The following KIAA1671 variants were observed in gnomAD, a reference collection of about 807,000 sequenced individuals.
The protein encoded by KIAA1671 is uncharacterized protein KIAA1671.
A neutral mutation model predicts 131.2 loss-of-function variants in KIAA1671; 52 were observed. That is an observed-to-expected ratio of 0.40 (90% confidence interval 0.32 to 0.50). KIAA1671 has a LOEUF of 0.50. KIAA1671 is among the 20% of genes least tolerant of loss of function. KIAA1671 has a pLI of 0.73. For synonymous variants in KIAA1671, 1,003 were observed against 961.6 expected, an observed-to-expected ratio of 1.04 and a Z score of -0.80; for missense variants, 2,360 against 2,364.2, an observed-to-expected ratio of 1.00 and a Z score of 0.04.
At chr22:24,954,476 A>G (rs1210747655) in intron 1 of KIAA1671, among the ~76,000 whole-genome samples, 1 of 152,202 alleles carries the variant, frequency 6.6e-6, no homozygotes, top group Non-Finnish European at 1.5e-5. Flanking sequence ...AGAGAAGTGC[A>G]GAGTTTCAAT....
At chr22:25,068,852 A>G (rs979341720) in intron 6 of KIAA1671, among the ~76,000 whole-genome samples, 41 of 152,294 alleles carry the variant, frequency 2.7e-4, no homozygotes, top group African/African-American at 9.1e-4. Context: ...TCAGTGTGCC[A>G]AGCTCCAGCC....
chr22:24,969,055 A>T (rs1013421602), intron 1 of KIAA1671, among the ~76,000 whole-genome samples: 1 of 151,636 alleles, frequency 6.6e-6, no homozygotes, highest in African/African-American at 2.4e-5. Flanking sequence ...GTGTGCCACC[A>T]TGCCGGCTAA....
intron 11 of KIAA1671, among the ~76,000 whole-genome samples, chr22:25,188,435 CAG>C (rs1934548671): frequency 6.9e-6 from 1 of 145,940 alleles, no homozygotes; most frequent in Non-Finnish European, 1.5e-5. Context: ...TCCAGAGAAA[CAG>C]AGCCAATCGG....
At chr22:25,042,825 G>A (rs904752588) in intron 5 of KIAA1671, among the ~76,000 whole-genome samples, 6 of 152,100 alleles carry the variant, frequency 3.9e-5, no homozygotes, top group Non-Finnish European at 8.8e-5. Flanking sequence ...GGGGAGAGAA[G>A]AAGTGAGGCA....
chr22:25,183,529 CCTT>C (rs1360644436), intron 10 of KIAA1671, among the ~76,000 whole-genome samples: 15 of 136,826 alleles, frequency 1.1e-4, no homozygotes, highest in African/African-American at 3.8e-4. Flanking sequence ...TTCCTTCCTT[CCTT>C]CTTCTTTTTT....
chr22:25,069,249 A>G (rs911296751), intron 6 of KIAA1671, among the ~76,000 whole-genome samples: 3 of 152,194 alleles, frequency 2.0e-5, no homozygotes, highest in African/African-American at 7.2e-5. Flanking sequence ...TTGAATCCTC[A>G]AAGCCCTGAA....
intron 6 of KIAA1671, among the ~76,000 whole-genome samples, chr22:25,158,061 TCCG>T (rs1472509096): frequency 6.6e-6 from 1 of 152,216 alleles, no homozygotes; most frequent in Non-Finnish European, 1.5e-5. Flanking sequence ...GACCTTGTGA[TCCG>T]CCTGCCTCGG....
chr22:25,156,729 A>C (rs1933259684), intron 6 of KIAA1671, among the ~76,000 whole-genome samples: 1 of 148,438 alleles, frequency 6.7e-6, no homozygotes, highest in South Asian at 2.1e-4. Context: ...GTGTGCGTGC[A>C]TCTGTCTGCT....
intron 6 of KIAA1671, among the ~76,000 whole-genome samples, chr22:25,125,563 C>T (rs1344602867): frequency 1.3e-5 from 2 of 152,104 alleles, no homozygotes; most frequent in South Asian, 2.1e-4. Flanking sequence ...GGGTTTCACA[C>T]CATGGTGACA....
chr22:24,982,628 G>A (rs756831641), intron 1 of KIAA1671, among the ~76,000 whole-genome samples: 6 of 152,282 alleles, frequency 3.9e-5, no homozygotes, highest in Non-Finnish European at 1.5e-5. Flanking sequence ...TGGGTGCTGG[G>A]GTAACTTGAG....
chr22:25,039,433 TGAAG>T lies in KIAA1671; in HGVS notation c.2306_2309del (p.Lys769ThrfsTer29). The T allele has an allele frequency of 6.4e-7, 1 of 1,551,804 alleles. No homozygotes were observed. The highest frequency in any genetic ancestry group is 8.7e-7 in the Non-Finnish European group (1 of 1,147,014). On this transcript the variant is annotated frameshift_variant, in exon 5 of 13. Transcript: ENST00000358431. LOFTEE classifies it high-confidence loss of function. ...CGCAGCCTCAGGTCTTGGCTCTCACTGAAGGACAGGCAGCTGTCCCAGGAGGTCA... is the reference window on the plus strand; with the variant it reads ...CGCAGCCTCAGGTCTTGGCTCTCACTGACAGGCAGCTGTCCCAGGAGGTCA...
intron 6 of KIAA1671, among the ~76,000 whole-genome samples, chr22:25,150,400 A>G (rs1365240418): frequency 6.6e-6 from 1 of 152,192 alleles, no homozygotes; most frequent in Non-Finnish European, 1.5e-5. Flanking sequence ...ACCTGAGGCC[A>G]TACAGCCAGG....
At chr22:25,089,580 G>T (rs1929922462) in intron 6 of KIAA1671, among the ~76,000 whole-genome samples, 1 of 152,088 alleles carries the variant, frequency 6.6e-6, no homozygotes, top group Non-Finnish European at 1.5e-5. Flanking sequence ...GGCCATGTGT[G>T]TTTAATTTTT....
chr22:25,118,129 ACT>A (rs1302124236), intron 6 of KIAA1671, among the ~76,000 whole-genome samples: 2 of 104,688 alleles, frequency 1.9e-5, no homozygotes, highest in Non-Finnish European at 3.7e-5. Flanking sequence ...CAAGAATGCA[ACT>A]CTGTCTCAAA....
intron 6 of KIAA1671, among the ~76,000 whole-genome samples, chr22:25,160,421 C>G (rs1474929481): frequency 6.6e-6 from 1 of 152,170 alleles, no homozygotes; most frequent in East Asian, 1.9e-4. Flanking sequence ...TCTCTGCGCC[C>G]GTCTCCGTGC....
chr22:25,053,599 A>G (rs1029500163), intron 6 of KIAA1671: 2 of 152,132 alleles, frequency 1.3e-5, no homozygotes, highest in African/African-American at 2.4e-5. Context: ...TGGGCCTACT[A>G]TGCGCCAGGC....
intron 1 of KIAA1671, among the ~76,000 whole-genome samples, chr22:24,962,238 G>A (rs1465755306): frequency 6.6e-6 from 1 of 152,150 alleles, no homozygotes; most frequent in East Asian, 1.9e-4. Context: ...AGCTGTGCTC[G>A]TTGTGGGCCA....
intron 1 of KIAA1671, among the ~76,000 whole-genome samples, chr22:24,964,747 T>C (rs540477368): frequency 6.6e-6 from 1 of 152,288 alleles, no homozygotes; most frequent in African/African-American, 2.4e-5. Flanking sequence ...TATTTGATTC[T>C]TGTGACTCCA....
chr22:24,956,987 G>C (rs910429865), intron 1 of KIAA1671, among the ~76,000 whole-genome samples: 3 of 151,984 alleles, frequency 2.0e-5, no homozygotes, highest in Admixed American at 1.3e-4. Flanking sequence ...TTTGAGACTC[G>C]ACTTCCCTAT....
Sources: gnomAD v4.1 joint callset for allele counts (sites outside exome capture counted in the v4.1 genomes callset) on GRCh38, gnomAD v4.1.1 for gene constraint, MANE v1.5 for transcripts, NCBI Gene and HGNC (gene_info 2026-07-23, HGNC 2026-07-21) for gene names.